RBMS3: variants seen among roughly 807,000 people sequenced by gnomAD.
RBMS3 encodes RNA-binding motif, single-stranded-interacting protein 3.
A neutral mutation model predicts 66.8 loss-of-function variants in RBMS3; 27 were observed. That is an observed-to-expected ratio of 0.40 (90% CI 0.30 to 0.56). The LOEUF is 0.56. Ranked by LOEUF, RBMS3 falls within the 20% of genes least tolerant of loss-of-function variation. The pLI is 0.40. For missense variants in RBMS3, 513 were observed against 549.5 expected, an observed-to-expected ratio of 0.93 and a Z score of 0.66; for synonymous variants, 188 against 183.0, an observed-to-expected ratio of 1.03 and a Z score of -0.22.
chr3:29,385,288 C>G (rs140844913), intron 1 of RBMS3, among the ~76,000 whole-genome samples: 70 of 152,268 alleles, frequency 4.6e-4, no homozygotes, highest in South Asian at 8.3e-4. Context: ...CCGCAGGACT[C>G]CCAGGACTGT....
At chr3:29,782,106 C>A (rs1016346033) in intron 6 of RBMS3, among the ~76,000 whole-genome samples, 3 of 152,238 alleles carry the variant, frequency 2.0e-5, no homozygotes, top group East Asian at 1.9e-4. Flanking sequence ...TATGGCCCTG[C>A]ACACTGCCTG....
chr3:29,435,714 C>T (rs556488895), intron 2 of RBMS3, among the ~76,000 whole-genome samples: 186 of 152,120 alleles, frequency 1.2e-3, no homozygotes, highest in African/African-American at 4.0e-3. Flanking sequence ...CTGAGGCAGG[C>T]GGATCACAAG....
intron 1 of RBMS3, among the ~76,000 whole-genome samples, chr3:29,328,072 G>C (rs765263811): frequency 3.9e-5 from 6 of 152,128 alleles, no homozygotes; most frequent in Non-Finnish European, 8.8e-5. Context: ...CTCTGATTTA[G>C]TCTATTATAA....
At chr3:29,741,479 A>G (rs2054644685) in intron 5 of RBMS3, among the ~76,000 whole-genome samples, 1 of 152,202 alleles carries the variant, frequency 6.6e-6, no homozygotes, top group Non-Finnish European at 1.5e-5. Context: ...GTTTTACTTT[A>G]CATACCATAC....
chr3:29,295,397 T>C (rs1490127059), intron 1 of RBMS3, among the ~76,000 whole-genome samples: 1 of 147,852 alleles, frequency 6.8e-6, no homozygotes, highest in Admixed American at 6.8e-5. Context: ...ATATGTTTCA[T>C]GAAATTTTAG....
At chr3:29,895,349 A>G (rs1490582253) in intron 8 of RBMS3, among the ~76,000 whole-genome samples, 1 of 151,496 alleles carries the variant, frequency 6.6e-6, no homozygotes, top group Non-Finnish European at 1.5e-5. Context: ...ACAAACACAT[A>G]CAATCATGTA....
chr3:29,964,059 A>C (rs1283854564), intron 12 of RBMS3, among the ~76,000 whole-genome samples: 1 of 152,184 alleles, frequency 6.6e-6, no homozygotes, highest in Non-Finnish European at 1.5e-5. Context: ...TATAATTCAG[A>C]AAATATGGAT....
chr3:29,288,506 C>A (rs890604161), intron 1 of RBMS3, among the ~76,000 whole-genome samples: 12 of 151,874 alleles, frequency 7.9e-5, no homozygotes, highest in Non-Finnish European at 1.0e-4. Flanking sequence ...AATTTTTCTT[C>A]TGAGTGGGTA....
intron 4 of RBMS3, among the ~76,000 whole-genome samples, chr3:29,658,980 A>G (rs923317347): frequency 1.7e-4 from 26 of 151,694 alleles, no homozygotes; most frequent in African/African-American, 6.3e-4. Flanking sequence ...GAGCCACCAC[A>G]CTAACTTTTT....
chr3:29,621,418 A>C (rs1301957683), intron 4 of RBMS3, among the ~76,000 whole-genome samples: 1 of 152,166 alleles, frequency 6.6e-6, no homozygotes, highest in African/African-American at 2.4e-5. Flanking sequence ...TTTGTGTGCA[A>C]GATAGGGCTG....
At chr3:29,891,864 C>T (rs2060008843) in intron 8 of RBMS3, among the ~76,000 whole-genome samples, 1 of 151,386 alleles carries the variant, frequency 6.6e-6, no homozygotes, top group Non-Finnish European at 1.5e-5. Context: ...TAATCTTGTA[C>T]TATTGTTTTA....
intron 2 of RBMS3, among the ~76,000 whole-genome samples, chr3:29,488,040 G>A (rs938069738): frequency 1.3e-5 from 2 of 152,154 alleles, no homozygotes; most frequent in Non-Finnish European, 2.9e-5. Flanking sequence ...CTGTGTCTTA[G>A]TGAAGTTGGG....
chr3:29,532,888 T>C (rs887850644), intron 3 of RBMS3, among the ~76,000 whole-genome samples: 4 of 152,164 alleles, frequency 2.6e-5, no homozygotes, highest in Non-Finnish European at 5.9e-5. Flanking sequence ...CAGAAAAGCA[T>C]GGCTCCTAAA....
At chr3:29,636,886 G>A (rs886962897) in intron 4 of RBMS3, among the ~76,000 whole-genome samples, 4 of 151,894 alleles carry the variant, frequency 2.6e-5, no homozygotes, top group Non-Finnish European at 4.4e-5. Flanking sequence ...TTATCAGTAT[G>A]GAAAGAGCAG....
intron 6 of RBMS3, among the ~76,000 whole-genome samples, chr3:29,831,205 T>C (rs550773623): frequency 9.2e-5 from 14 of 152,276 alleles, no homozygotes; most frequent in Admixed American, 2.6e-4. Context: ...TAACTCTTAT[T>C]ACAGGTTGAA....
At chr3:29,923,998 G>C (rs1231771771) in intron 10 of RBMS3, among the ~76,000 whole-genome samples, 2 of 152,116 alleles carry the variant, frequency 1.3e-5, no homozygotes, top group Non-Finnish European at 2.9e-5. Flanking sequence ...TTCACATACA[G>C]TTTTATTTCA....
intron 4 of RBMS3, among the ~76,000 whole-genome samples, chr3:29,701,798 T>C (rs558238833): frequency 6.6e-6 from 1 of 152,234 alleles, no homozygotes. Context: ...GGGCCTCAGC[T>C]GTCTCCCAGC....
At chr3:29,301,567 C>CCAGT (rs2033673050) in intron 1 of RBMS3, among the ~76,000 whole-genome samples, 5 of 151,926 alleles carry the variant, frequency 3.3e-5, no homozygotes, top group Admixed American at 1.3e-4. Flanking sequence ...GTGGGTCTAC[C>CCAGT]CAGTTTTGAG....
chr3:29,437,489 A>C (rs1447642749), intron 2 of RBMS3, among the ~76,000 whole-genome samples: 1 of 152,258 alleles, frequency 6.6e-6, no homozygotes, highest in African/African-American at 2.4e-5. Flanking sequence ...AGAGGATAAT[A>C]GTTACTTGTT....
Sources: allele counts gnomAD v4.1 joint callset (sites outside exome capture counted in the v4.1 genomes callset), GRCh38; gene constraint gnomAD v4.1.1; transcripts MANE v1.5; gene names NCBI Gene and HGNC (gene_info 2026-07-23, HGNC 2026-07-21).